Variants in ZSCAN30 observed in about 807,000 individuals in gnomAD.
ZSCAN30 encodes the protein zinc finger and SCAN domain containing 30, also known as zinc finger and SCAN domain-containing protein 30.
Under a neutral mutation model 44.3 loss-of-function variants are expected in ZSCAN30, and 37 were observed. The observed-to-expected ratio is 0.84, with a 90% CI of 0.64 to 1.10. The LOEUF (loss-of-function observed/expected upper bound fraction) is 1.10, where lower values mean the gene tolerates loss of function less well. Ranked by LOEUF, ZSCAN30 falls within the 50% of genes least tolerant of loss-of-function variation. ZSCAN30 has a pLI of 0.00. For missense variants in ZSCAN30, 549 were observed against 582.6 expected (o/e 0.94, Z 0.59); for synonymous variants, 181 against 204.6 (o/e 0.88, Z 0.98).
chr18:35,288,106 C>T (rs551640931), intron 1 of ZSCAN30, among the ~76,000 whole-genome samples: 2 of 152,256 alleles, frequency 1.3e-5, no homozygotes, highest in South Asian at 4.1e-4. Context: ...CTCCTAGACT[C>T]AAGCAATCCA....
At chr18:35,285,723 A>T (rs973656548) in intron 1 of ZSCAN30, among the ~76,000 whole-genome samples, 12 of 152,144 alleles carry the variant, frequency 7.9e-5, no homozygotes, top group Non-Finnish European at 1.6e-4. Flanking sequence ...TTAGGGGAAA[A>T]TTTATAGCAC....
intron 1 of ZSCAN30, among the ~76,000 whole-genome samples, chr18:35,287,174 AAATT>A (rs1469666677): frequency 6.6e-6 from 1 of 152,194 alleles, no homozygotes; most frequent in African/African-American, 2.4e-5. Context: ...AGACCTAAAT[AAATT>A]GAGAAAAATA....
chr18:35,286,308 G>T (rs1343220033), intron 1 of ZSCAN30, among the ~76,000 whole-genome samples: 1 of 151,986 alleles, frequency 6.6e-6, no homozygotes. Context: ...GAAGACAATG[G>T]GATGCTTTTT....
chr18:35,277,315 T>A (rs1402590086), intron 1 of ZSCAN30, among the ~76,000 whole-genome samples: 1 of 152,146 alleles, frequency 6.6e-6, no homozygotes, highest in African/African-American at 2.4e-5. Context: ...AAAGGCATGA[T>A]CATGTTTTGA....
intron 3 of ZSCAN30, chr18:35,257,597 C>A (rs1178528050): frequency 6.1e-6 from 2 of 329,432 alleles, no homozygotes; most frequent in East Asian, 1.2e-4. Context: ...GCCTCCAGAA[C>A]TGTGAGAAGT....
intron 1 of ZSCAN30, chr18:35,269,760 C>T (rs556703064): frequency 7.3e-5 from 11 of 150,646 alleles, no homozygotes; most frequent in Non-Finnish European, 1.6e-4. Context: ...CTAGCCTGTA[C>T]TTGTTAAAAA....
chr18:35,254,302 C>A lies in ZSCAN30; in HGVS notation c.633G>T (p.Ser211=). The stretch of plus-strand genomic sequence containing the variant: ...GTGTTTCTCCAGGAAGTTTTCCCGG[C>A]GATATCATAGCTGCTGAGGCTACAC... ...VECVASAAMI[S]PGKLPGETHS... Residue 211 remains serine (S), a synonymous_variant, in exon 4 of 4, where the codon TCG becomes TCT. Coordinates refer to ENST00000333206, the MANE Select transcript of ZSCAN30 (RefSeq NM_001112734.4). The A allele has an allele frequency of 6.2e-7, 1 of 1,614,074 alleles. No homozygotes were observed. The highest frequency in any genetic ancestry group is 8.5e-7 in the Non-Finnish European group (1 of 1,179,942).
chr18:35,271,996 C>T (rs7244784), intron 1 of ZSCAN30, among the ~76,000 whole-genome samples: 119,003 of 152,054 alleles, frequency 0.78, 48,204 homozygotes, highest in Non-Finnish European at 0.89. Flanking sequence ...ACGGTTCCCG[C>T]CCACGCCTCT....
intron 1 of ZSCAN30, among the ~76,000 whole-genome samples, chr18:35,270,635 G>A (rs1598637478): frequency 6.6e-6 from 1 of 152,054 alleles, no homozygotes; most frequent in African/African-American, 2.4e-5. Context: ...GACTGGAGTG[G>A]AGTGGCACCA....
chr18:35,270,994 G>A (rs2044260655), intron 1 of ZSCAN30, among the ~76,000 whole-genome samples: 1 of 152,122 alleles, frequency 6.6e-6, no homozygotes, highest in Non-Finnish European at 1.5e-5. Flanking sequence ...CTCCCGTCCG[G>A]AGTTGTTCAT....
At chr18:35,286,934 A>G (rs1042460528) in intron 1 of ZSCAN30, among the ~76,000 whole-genome samples, 3 of 152,180 alleles carry the variant, frequency 2.0e-5, no homozygotes, top group African/African-American at 7.2e-5. Context: ...ATCTACAAAA[A>G]CAGCTACTAG....
In ZSCAN30 at chr18:35,258,601, G is replaced by A. The variant is rs918701378; in HGVS notation, c.554-4220C>T. On this transcript the variant is annotated intron_variant, in intron 3 of 3. Coordinates refer to ENST00000333206, the MANE Select transcript of ZSCAN30 (RefSeq NM_001112734.4). ...AAACAAGGTCAGGAGGCTGGGCACGGTGGCTCATGCCTGTAATTCCAGCAC... is the reference window on the plus strand; with the variant it reads ...AAACAAGGTCAGGAGGCTGGGCACGATGGCTCATGCCTGTAATTCCAGCAC... 6 of 152,888 alleles carry A rather than the reference G, an allele frequency of 3.9e-5. No homozygotes were observed. The East Asian group carries it at 1.2e-3, about 29-fold the overall frequency. The allele number at this position is 152,888 out of a possible 1,614,324, so 9.5% of individuals were successfully genotyped here.
chr18:35,266,045 G>GA (rs1176456240), intron 1 of ZSCAN30, among the ~76,000 whole-genome samples: 1 of 152,182 alleles, frequency 6.6e-6, no homozygotes, highest in Non-Finnish European at 1.5e-5. Flanking sequence ...GTAGTTTGGG[G>GA]AGACCAGATT....
At chr18:35,286,821 T>C (rs1347219228) in intron 1 of ZSCAN30, among the ~76,000 whole-genome samples, 1 of 152,122 alleles carries the variant, frequency 6.6e-6, no homozygotes, top group East Asian at 1.9e-4. Context: ...TGAATGCCTT[T>C]CTCCACCTCC....
At chr18:35,261,251 G>A (rs182475086) in intron 3 of ZSCAN30, 14 of 152,308 alleles carry the variant, frequency 9.2e-5, no homozygotes, top group Admixed American at 6.5e-5. Context: ...TTGGGTTATA[G>A]TAGCCTTGTA....
At chr18:35,280,517 C>G (rs529924133) in intron 1 of ZSCAN30, among the ~76,000 whole-genome samples, 22 of 152,326 alleles carry the variant, frequency 1.4e-4, no homozygotes, top group Middle Eastern at 3.4e-3. Flanking sequence ...AGGGAATTAT[C>G]TGACCTGAAC....
chr18:35,268,824 T>C (rs963325557), intron 1 of ZSCAN30: 1 of 152,228 alleles, frequency 6.6e-6, no homozygotes, highest in Non-Finnish European at 1.5e-5. Context: ...ATTTAAAGTA[T>C]TCTTATTTTC....
intron 1 of ZSCAN30, among the ~76,000 whole-genome samples, chr18:35,273,497 T>C (rs2044319644): frequency 6.6e-6 from 1 of 152,274 alleles, no homozygotes; most frequent in South Asian, 2.1e-4. Context: ...ATAATGCTAC[T>C]ATCATTATAA....
At chr18:35,267,300 T>G (rs2044175022) in intron 1 of ZSCAN30, among the ~76,000 whole-genome samples, 1 of 151,600 alleles carries the variant, frequency 6.6e-6, no homozygotes, top group Non-Finnish European at 1.5e-5. Context: ...GGTGGCTGAG[T>G]GGGCAAGTGG....
Sources: allele counts gnomAD v4.1 joint callset (sites outside exome capture counted in the v4.1 genomes callset), GRCh38; gene constraint gnomAD v4.1.1; transcripts MANE v1.5; gene names NCBI Gene and HGNC (gene_info 2026-07-23, HGNC 2026-07-21).